LRRN3: variants seen among roughly 807,000 people sequenced by gnomAD.
LRRN3 encodes the protein leucine-rich repeat neuronal protein 3.
A neutral mutation model predicts 40.1 loss-of-function variants in LRRN3; 15 were observed. That is an observed-to-expected ratio of 0.37 (90% CI 0.25 to 0.58). The LOEUF (loss-of-function observed/expected upper bound fraction) is 0.58. Among genes scored for constraint, LRRN3 ranks in the 20% least tolerant of loss-of-function variants. The pLI, the probability that LRRN3 is intolerant of heterozygous loss-of-function variation, is 0.72. For missense variants in LRRN3, 746 were observed against 837.7 expected, an observed-to-expected ratio of 0.89 and a Z score of 1.35; for synonymous variants, 308 against 297.2, an observed-to-expected ratio of 1.04 and a Z score of -0.37.
intron 1 of LRRN3, among the ~76,000 whole-genome samples, chr7:111,094,574 A>G (rs796105077): frequency 2.0e-5 from 3 of 152,284 alleles, no homozygotes; most frequent in African/African-American, 7.2e-5. Flanking sequence ...TAGGCAAAAC[A>G]TCAGTACATC....
At chr7:111,101,514 C>G (rs1797972095) in intron 2 of LRRN3, among the ~76,000 whole-genome samples, 1 of 151,096 alleles carries the variant, frequency 6.6e-6, no homozygotes. Flanking sequence ...TTCTTTTGTC[C>G]ACTGTCTACC....
intron 2 of LRRN3, among the ~76,000 whole-genome samples, chr7:111,110,372 C>T (rs892612512): frequency 6.6e-6 from 1 of 152,102 alleles, no homozygotes; most frequent in African/African-American, 2.4e-5. Flanking sequence ...TTATGCTTCT[C>T]ATATATTTAG....
At position 111,123,030 on chromosome 7, in the gene LRRN3, C is replaced by T. The variant is rs767123158; in HGVS notation, c.258C>T (p.Tyr86=). 3 of 1,613,904 alleles carry T rather than the reference C, an allele frequency of 1.9e-6. No homozygotes were observed. The highest frequency in any genetic ancestry group is 4.5e-5 in the East Asian group (2 of 44,834). ...CTAACAATATTGCAAAAATTGAATA[C>T]TCCACAGACTTTCCAGTAAACCTTA... ...LQTNNIAKIE[Y]STDFPVNLTG... Residue 86 remains tyrosine, a synonymous_variant, in exon 3 of 3, where the codon TAC becomes TAT. Coordinates refer to ENST00000308478, the MANE Select transcript of LRRN3 (RefSeq NM_001099658.2). The surrounding 1 kb of genome is among the most constrained non-coding windows in gnomAD (Gnocchi z 6.4).
rs1288770906 is a variant in LRRN3, at chr7:111,124,086, C to T, written c.1314C>T (p.Ser438=). 4 of 1,613,858 alleles carry T rather than the reference C, an allele frequency of 2.5e-6. No individual in the cohort carries two copies. In the Admixed American group the frequency reaches 5.0e-5, roughly 20 times the overall value. The stretch of plus-strand genomic sequence containing the variant: ...CTAATCTAAATGTAGAAGCTGGGAG[C>T]TATGTTTCCTTTCACTGTAGAGCTA... The part of the protein sequence containing the change: ...FPSNLNVEAG[S]YVSFHCRATA... The change falls in exon 3 of 3, where the codon AGC becomes AGT. Residue 438 remains serine, a synonymous_variant. Coordinates refer to ENST00000308478, the MANE Select transcript of LRRN3 (RefSeq NM_001099658.2).
chr7:111,119,961 C>T (rs747184538), intron 2 of LRRN3, among the ~76,000 whole-genome samples: 9 of 152,236 alleles, frequency 5.9e-5, no homozygotes, highest in Non-Finnish European at 1.2e-4. Context: ...GATTCTTGAA[C>T]TGAGGTTTGA....
At chr7:111,093,577 T>C (rs558573206) in intron 1 of LRRN3, among the ~76,000 whole-genome samples, 1 of 152,162 alleles carries the variant, frequency 6.6e-6, no homozygotes, top group Non-Finnish European at 1.5e-5. Flanking sequence ...AAAATTGCAA[T>C]AGATGACACC....
intron 1 of LRRN3, among the ~76,000 whole-genome samples, chr7:111,096,387 C>A (rs1311762706): frequency 6.6e-6 from 1 of 151,772 alleles, no homozygotes; most frequent in Non-Finnish European, 1.5e-5. Flanking sequence ...CACTCTAGAT[C>A]TTACCCTTCC....
rs1030594878 is a variant in LRRN3 at position 111,122,838 on chromosome 7, T to G, written c.66T>G (p.Ala22=). 5.6e-6 allele frequency: 9 copies of G among 1,613,878 alleles called. No individual in the cohort carries two copies. In the African/African-American group the frequency reaches 9.3e-5, roughly 17 times the overall value. The change falls in exon 3 of 3, where the codon GCT becomes GCG. Residue 22 remains alanine, a synonymous_variant. Transcript: ENST00000308478. ...TAGCTATCACTACACTAGTACAAGC[T>G]GTAGATAAAAAAGTGGATTGTCCAC... ...LGLAITTLVQ[A]VDKKVDCPRL... is the part of the protein sequence containing the mutation.
At chr7:111,104,997 A>T (rs1266533374) in intron 2 of LRRN3, among the ~76,000 whole-genome samples, 1 of 151,806 alleles carries the variant, frequency 6.6e-6, no homozygotes, top group Admixed American at 6.6e-5. Flanking sequence ...CTAAAATGTG[A>T]ATCTACTTGC....
Position 111,117,656 on chromosome 7 carries a change from T to G in LRRN3, c.-358-4759T>G, listed in dbSNP as rs552314222. The stretch of plus-strand genomic sequence containing the variant: ...ATAATTCAACAATACCTCTGGGATA[T>G]GGAACCTTCAATTAGAACTAAAGAA... On this transcript the variant is annotated intron_variant, in intron 2 of 2. Coordinates refer to ENST00000308478, the MANE Select transcript of LRRN3 (RefSeq NM_001099658.2). 2.6e-5 allele frequency among the ~76,000 whole-genome samples: 4 copies of G among 152,186 alleles called. No homozygotes were observed. In the South Asian group the frequency reaches 8.3e-4, roughly 32 times the overall value.
At chr7:111,105,850 A>C (rs1798491735) in intron 2 of LRRN3, among the ~76,000 whole-genome samples, 1 of 151,910 alleles carries the variant, frequency 6.6e-6, no homozygotes, top group African/African-American at 2.4e-5. Flanking sequence ...CTTTTATAGC[A>C]TCCCCACTTT....
chr7:111,122,703 C>T lies in LRRN3; in HGVS notation c.-70C>T, dbSNP rs1800795902. The T allele has an allele frequency of 1.7e-6, 2 of 1,174,588 alleles. No individual in the cohort carries two copies. The highest frequency in any genetic ancestry group is 2.4e-6 in the Non-Finnish European group (2 of 818,466). 72.8% of individuals were successfully genotyped at this position (1,174,588 alleles called of 1,614,324 possible). On this transcript the variant is annotated 5_prime_UTR_variant, in exon 3 of 3. Coordinates refer to ENST00000308478, the MANE Select transcript of LRRN3 (RefSeq NM_001099658.2). ...AAGCATCTTCCTTATCAATCAGCTC[C>T]TATTGAACTTACTAGCACTGACTGT...
chr7:111,093,249 T>G (rs1481880006), intron 1 of LRRN3, among the ~76,000 whole-genome samples: 8 of 152,172 alleles, frequency 5.3e-5, no homozygotes, highest in Admixed American at 5.2e-4. Context: ...ATTGGCAGCT[T>G]TGCTCGCTCT....
At position 111,122,966 on chromosome 7, in the gene LRRN3, C is replaced by A. The variant is rs551711784; in HGVS notation, c.194C>A (p.Ala65Asp). The A allele has an allele frequency of 6.2e-7, 1 of 1,613,962 alleles. No individual in the cohort carries two copies. The highest frequency in any genetic ancestry group is 8.5e-7 in the Non-Finnish European group (1 of 1,179,932). ...GATTTAGGTCTTTTAACTTTCCCAG[C>A]CAGATTGCCAGCTAACACACAGATT... ...CNDLGLLTFP[A>D]RLPANTQILL... Residue 65 changes from alanine to aspartate, a missense_variant, in exon 3 of 3, where the codon GCC (alanine) becomes GAC (aspartate). Transcript: ENST00000308478.
rs1318541621 is a variant in LRRN3 at position 111,123,285 on chromosome 7, C to G, written c.513C>G (p.Leu171=). The part of the protein sequence containing the change: ...IGLHNLLRLH[L]NSNRLQMINS... ...TACATAATCTTCTTCGACTTCATCTCAATTCAAATAGATTGCAGATGATCA... is the reference window on the plus strand; with the variant it reads ...TACATAATCTTCTTCGACTTCATCTGAATTCAAATAGATTGCAGATGATCA... The change falls in exon 3 of 3, where the codon CTC becomes CTG. Residue 171 remains leucine (L), a synonymous_variant. Transcript: ENST00000308478. This position sits in a 1 kb window ranked among gnomAD's most constrained non-coding sequence, Gnocchi z 6.4. 1 of 1,613,626 alleles carries G rather than the reference C, an allele frequency of 6.2e-7. No homozygotes were observed. Among genetic ancestry groups the G allele is most frequent in the Non-Finnish European group, 8.5e-7 (1 of 1,179,898 alleles).
chr7:111,122,649 T>C lies in LRRN3; in HGVS notation c.-124T>C, dbSNP rs1586426460. 2.4e-5 allele frequency: 18 copies of C among 753,390 alleles called. No individual in the cohort carries two copies. In the East Asian group the frequency reaches 3.2e-4, roughly 13 times the overall value. The allele number at this position is 753,390 out of a possible 1,614,324, so 46.7% of individuals were successfully genotyped here. ...ATTTCAGTGAAGAAAAACTTTGTGG[T>C]TCTATGGCATTCATCATTTGACAAA... On this transcript the variant is annotated 5_prime_UTR_variant, in exon 3 of 3. Transcript: ENST00000308478.
intron 2 of LRRN3, among the ~76,000 whole-genome samples, chr7:111,114,285 C>A (rs540635781): frequency 6.6e-6 from 1 of 152,216 alleles, no homozygotes; most frequent in Admixed American, 6.5e-5. Context: ...TTTTTATAGA[C>A]TACTTCTGAT....
Position 111,101,919 on chromosome 7 carries a change from G to A in LRRN3, c.-359+1957G>A, listed in dbSNP as rs75004415. 3.2e-3 allele frequency among the ~76,000 whole-genome samples: 481 copies of A among 151,424 alleles called. 6 individuals carry two copies. The highest frequency in any genetic ancestry group is 0.011 in the African/African-American group (451 of 41,406). On this transcript the variant is annotated intron_variant, in intron 2 of 2. Coordinates refer to ENST00000308478, the MANE Select transcript of LRRN3 (RefSeq NM_001099658.2). Reference sequence around the variant, plus strand: ...AGAGTACTAGGTTATGTATCCTTAGGAGAAACATCTACCAAAAATGGACAA... The same window carrying A: ...AGAGTACTAGGTTATGTATCCTTAGAAGAAACATCTACCAAAAATGGACAA...
At chr7:111,092,495 T>A (rs1796976408) in intron 1 of LRRN3, among the ~76,000 whole-genome samples, 1 of 152,052 alleles carries the variant, frequency 6.6e-6, no homozygotes, top group Non-Finnish European at 1.5e-5. Flanking sequence ...CCTAATTTAG[T>A]GAAAAGGGGA....
Sources: allele counts gnomAD v4.1 joint callset (sites outside exome capture counted in the v4.1 genomes callset), GRCh38; gene constraint gnomAD v4.1.1; non-coding constraint Gnocchi (gnomAD v3.1); transcripts MANE v1.5; gene names NCBI Gene and HGNC (gene_info 2026-07-23, HGNC 2026-07-21).